The following DNAH7 variants were observed in gnomAD, a reference collection of about 807,000 sequenced individuals.
DNAH7 encodes axonemal beta dynein heavy chain 7.
A neutral mutation model predicts 444.6 loss-of-function variants in DNAH7; 397 were observed. That is an observed-to-expected ratio of 0.89 (90% CI 0.82 to 0.97). The LOEUF (loss-of-function observed/expected upper bound fraction) is 0.97, where lower values mean the gene tolerates loss of function less well. DNAH7 is among the 50% of genes least tolerant of loss of function. The pLI, the probability that DNAH7 is intolerant of heterozygous loss-of-function variation, is 0.00. For synonymous variants in DNAH7, 1,636 were observed against 1,624.4 expected (o/e 1.01, Z -0.17); for missense variants, 4,902 against 4,800.8 (o/e 1.02, Z -0.62).
chr2:196,066,267 A>G lies in DNAH7; in HGVS notation c.15+2430T>C, dbSNP rs116153138. Among the ~76,000 whole-genome samples, 176 of 152,370 alleles carry G rather than the reference A, an allele frequency of 1.2e-3. 1 individual carries two copies. The highest frequency in any genetic ancestry group is 4.0e-3 in the African/African-American group (166 of 41,590). On this transcript the variant is annotated intron_variant, in intron 1 of 64. Coordinates refer to ENST00000312428, the MANE Select transcript of DNAH7 (RefSeq NM_018897.3). Reference sequence around the variant, plus strand: ...AAAATTTCATAGTACTGATTTAAATATAGTTGTCAGTTGTCACACGTTTGA... The same window carrying G: ...AAAATTTCATAGTACTGATTTAAATGTAGTTGTCAGTTGTCACACGTTTGA...
intron 41 of DNAH7, 45 bp downstream of exon 41, chr2:195,864,104 A>T: frequency 6.3e-7 from 1 of 1,578,854 alleles, no homozygotes; most frequent in Non-Finnish European, 8.6e-7. Flanking sequence ...TGATAGTGGA[A>T]ATTCAACATT....
At chr2:195,919,252 A>AG (rs768958316) in intron 24 of DNAH7, among the ~76,000 whole-genome samples, 2 of 151,028 alleles carry the variant, frequency 1.3e-5, no homozygotes, top group East Asian at 3.9e-4. Flanking sequence ...AAAAAAAAAA[A>AG]GATGTTAATG....
intron 9 of DNAH7, 149 bp from the exon 10 acceptor site, chr2:196,013,055 A>G (rs1694813498): frequency 2.0e-6 from 1 of 509,436 alleles, no homozygotes; most frequent in Non-Finnish European, 3.2e-6. Flanking sequence ...AGAACACAAG[A>G]TATTCTAATT....
intron 57 of DNAH7, among the ~76,000 whole-genome samples, chr2:195,792,860 A>G (rs1284872030): frequency 6.6e-6 from 1 of 152,098 alleles, no homozygotes; most frequent in Non-Finnish European, 1.5e-5. Context: ...ATAAAGCAAA[A>G]GGAATAAAAT....
intron 10 of DNAH7, among the ~76,000 whole-genome samples, chr2:196,004,365 T>C (rs1694230990): frequency 6.6e-6 from 1 of 152,182 alleles, no homozygotes; most frequent in Non-Finnish European, 1.5e-5. Flanking sequence ...GCAAGTTGCT[T>C]CTGAGAGTAG....
chr2:196,057,175 T>C (rs2125882199), intron 2 of DNAH7, among the ~76,000 whole-genome samples: 1 of 152,146 alleles, frequency 6.6e-6, no homozygotes, highest in South Asian at 2.1e-4. Context: ...ATCTAATTTC[T>C]TTTAAAAGAC....
intron 29 of DNAH7, 69 bp downstream of exon 29, chr2:195,897,598 C>T: frequency 1.1e-6 from 1 of 875,046 alleles, no homozygotes; most frequent in Non-Finnish European, 1.8e-6. Context: ...GGGAGCTTCA[C>T]AACCTTAGAC....
chr2:195,861,704 A>G lies in DNAH7; in HGVS notation c.7736+13T>C, dbSNP rs776319386. ...GCCATAGCTTACTTAGAAATATGAAATTTGATTTTTACCTTCTTTTCTTTT... is the reference window on the plus strand; with the variant it reads ...GCCATAGCTTACTTAGAAATATGAAGTTTGATTTTTACCTTCTTTTCTTTT... On this transcript the variant is annotated intron_variant, in intron 42 of 64. Coordinates refer to ENST00000312428, the MANE Select transcript of DNAH7 (RefSeq NM_018897.3). 6.3e-7 allele frequency: 1 copy of G among 1,583,510 alleles called. No individual in the cohort carries two copies. The highest frequency in any genetic ancestry group is 2.2e-5 in the East Asian group (1 of 44,670).
At chr2:195,944,989 ATAAT>A (rs1037452677) in intron 19 of DNAH7, among the ~76,000 whole-genome samples, 4 of 151,810 alleles carry the variant, frequency 2.6e-5, no homozygotes, top group African/African-American at 9.7e-5. Context: ...GTCTAAGAAC[ATAAT>A]TGATTGAGTG....
chr2:196,048,506 G>C, intron 3 of DNAH7, 102 bp from the exon 4 acceptor site: 1 of 894,944 alleles, frequency 1.1e-6, no homozygotes, highest in African/African-American at 1.7e-5. Context: ...TTCTCAAACA[G>C]ATCAGAACAT....
chr2:195,866,778 A>G (rs1421072331), intron 40 of DNAH7, among the ~76,000 whole-genome samples: 3 of 152,098 alleles, frequency 2.0e-5, no homozygotes, highest in East Asian at 3.9e-4. Flanking sequence ...TAAGGTACAG[A>G]TATGGTTTGG....
At chr2:195,840,409 G>A (rs1444076738) in intron 47 of DNAH7, among the ~76,000 whole-genome samples, 1 of 151,662 alleles carries the variant, frequency 6.6e-6, no homozygotes, top group Admixed American at 6.6e-5. Flanking sequence ...ACATGTGATA[G>A]TAAAAAACTG....
At chr2:195,845,905 T>G (rs1348591838) in intron 46 of DNAH7, among the ~76,000 whole-genome samples, 2 of 152,030 alleles carry the variant, frequency 1.3e-5, no homozygotes, top group Non-Finnish European at 2.9e-5. Flanking sequence ...CTATAAAACC[T>G]TAGAAGAAAA....
chr2:195,961,545 T>A (rs1300650662), intron 17 of DNAH7, among the ~76,000 whole-genome samples: 1 of 151,432 alleles, frequency 6.6e-6, no homozygotes, highest in African/African-American at 2.4e-5. Flanking sequence ...TCCAGGTTTA[T>A]CCATGTTGTC....
At chr2:195,803,307 A>G (rs1696562854) in intron 54 of DNAH7, among the ~76,000 whole-genome samples, 2 of 152,230 alleles carry the variant, frequency 1.3e-5, no homozygotes, top group Non-Finnish European at 2.9e-5. Flanking sequence ...GAGTGGTTCA[A>G]ACTGGTGTCA....
chr2:195,977,556 G>A (rs1692289717), intron 15 of DNAH7, among the ~76,000 whole-genome samples: 1 of 152,152 alleles, frequency 6.6e-6, no homozygotes, highest in African/African-American at 2.4e-5. Flanking sequence ...AGAAGAGGTA[G>A]AGAGAGATAG....
chr2:195,905,934 T>G (rs1453464436), intron 27 of DNAH7, among the ~76,000 whole-genome samples: 2 of 152,134 alleles, frequency 1.3e-5, no homozygotes, highest in Non-Finnish European at 2.9e-5. Context: ...GAGAAACGCC[T>G]TTAGTAAAAA....
At chr2:196,025,831 A>G (rs765213508) in intron 7 of DNAH7, among the ~76,000 whole-genome samples, 8 of 152,118 alleles carry the variant, frequency 5.3e-5, no homozygotes, top group Non-Finnish European at 1.0e-4. Flanking sequence ...TCCTCCACCA[A>G]TAAGGGTCCC....
chr2:196,003,963 A>T (rs1237342164), intron 10 of DNAH7, among the ~76,000 whole-genome samples: 1 of 152,224 alleles, frequency 6.6e-6, no homozygotes, highest in Non-Finnish European at 1.5e-5. Context: ...CTTAGTCCAC[A>T]GATGGATTTT....
Sources: allele counts gnomAD v4.1 joint callset (sites outside exome capture counted in the v4.1 genomes callset), GRCh38; gene constraint gnomAD v4.1.1; transcripts MANE v1.5; gene names NCBI Gene and HGNC (gene_info 2026-07-23, HGNC 2026-07-21).